The following NOX1 variants were observed in gnomAD, a reference collection of about 807,000 sequenced individuals.
NOX1 encodes NADPH oxidase 1.
Under a neutral mutation model 42.5 loss-of-function variants are expected in NOX1, and 34 were observed. That is an observed-to-expected ratio of 0.80 (90% CI 0.61 to 1.07). The LOEUF is 1.07. NOX1 is among the 50% of genes least tolerant of loss of function. The pLI, the probability that NOX1 is intolerant of heterozygous loss-of-function variation, is 0.00. For synonymous variants in NOX1, 143 were observed against 152.5 expected (o/e 0.94, Z 0.46); for missense variants, 408 against 427.0 (o/e 0.96, Z 0.39).
chrX:100,853,261 CCTTTCTTT>C (rs1177925812), intron 7 of NOX1, among the ~76,000 whole-genome samples: 513 of 23,425 alleles, frequency 0.022, 7 homozygotes, highest in East Asian at 0.047. Flanking sequence ...TTCCTTCCTT[CCTTTCTTT>C]CTTTCTTTCT....
intron 7 of NOX1, chrX:100,856,385 G>C (rs190140083): frequency 3.1e-4 from 160 of 513,769 alleles, no homozygotes; most frequent in Middle Eastern, 5.7e-4. Flanking sequence ...AGACAAGATG[G>C]AAGGGAGAAG....
intron 7 of NOX1, among the ~76,000 whole-genome samples, chrX:100,854,281 A>G (rs2085152002): frequency 8.9e-6 from 1 of 112,221 alleles, no homozygotes; most frequent in Non-Finnish European, 1.9e-5. Context: ...TCTACAATAA[A>G]TGTATATTAT....
chrX:100,848,372 C>A (rs1005066149), intron 12 of NOX1, among the ~76,000 whole-genome samples: 1 of 111,099 alleles, frequency 9.0e-6, no homozygotes, highest in Non-Finnish European at 1.9e-5. Context: ...CTCATTGCAA[C>A]CTCTGCCTCC....
At chrX:100,850,853 T>C (rs747539496) in intron 8 of NOX1, among the ~76,000 whole-genome samples, 1 of 110,468 alleles carries the variant, frequency 9.1e-6, no homozygotes, top group African/African-American at 3.3e-5. Flanking sequence ...TCTTCTTTTT[T>C]TTTTGAGACA....
At chrX:100,867,685 T>C (rs1391095614) in intron 2 of NOX1, among the ~76,000 whole-genome samples, 1 of 109,374 alleles carries the variant, frequency 9.1e-6, no homozygotes. Flanking sequence ...TGAACCATGA[T>C]CATGCCACTG....
intron 11 of NOX1, among the ~76,000 whole-genome samples, 183 bp downstream of exon 11, chrX:100,849,093 GAAGA>G (rs1193311462): frequency 9.1e-6 from 1 of 110,445 alleles, no homozygotes; most frequent in South Asian, 3.8e-4. Flanking sequence ...AAAAAAAAAA[GAAGA>G]AAGAAAGAAA....
At chrX:100,859,759 G>GTT (rs376659757) in intron 7 of NOX1, among the ~76,000 whole-genome samples, 4 of 96,776 alleles carry the variant, frequency 4.1e-5, no homozygotes, top group African/African-American at 1.5e-4. Context: ...GTCTCTGAGG[G>GTT]TTTTTTTTTT....
At chrX:100,844,966 C>G (rs1334942722) in intron 12 of NOX1, among the ~76,000 whole-genome samples, 1 of 111,793 alleles carries the variant, frequency 8.9e-6, no homozygotes, top group Non-Finnish European at 1.9e-5. Flanking sequence ...TTCTTTCTTG[C>G]CAAAGCTAAT....
chrX:100,847,676 G>A (rs1217189464), intron 12 of NOX1, among the ~76,000 whole-genome samples: 1 of 101,910 alleles, frequency 9.8e-6, no homozygotes, highest in Non-Finnish European at 1.9e-5. Context: ...TGAGGCAGGA[G>A]AATCGCTTGA....
intron 7 of NOX1, among the ~76,000 whole-genome samples, chrX:100,854,070 G>C (rs2085150438): frequency 9.0e-6 from 1 of 111,085 alleles, no homozygotes. Context: ...TTGAACCCAG[G>C]AGGCAGAGGT....
intron 2 of NOX1, among the ~76,000 whole-genome samples, chrX:100,866,201 G>A (rs866089235): frequency 1.1e-4 from 11 of 100,454 alleles, no homozygotes; most frequent in Admixed American, 8.9e-4. Context: ...CAGGCTGGGC[G>A]ACAGAGTGAG....
chrX:100,848,261 A>G (rs999778029), intron 12 of NOX1, among the ~76,000 whole-genome samples: 3 of 109,862 alleles, frequency 2.7e-5, no homozygotes, highest in Admixed American at 9.6e-5. Flanking sequence ...ATGTTGTAAT[A>G]CCTTTCCTAA....
rs369091802 is a variant in NOX1 at position 100,851,332 on chromosome X, A to G, written c.805-7T>C. 1.6e-5 allele frequency: 17 copies of G among 1,070,082 alleles called. No individual in the cohort carries two copies. Among genetic ancestry groups the G allele is most frequent in the African/African-American group, 3.7e-5 (2 of 54,030 alleles). The allele number at this position is 1,070,082 out of a possible 1,213,427, so 88.2% of individuals were successfully genotyped here. A position where few individuals can be genotyped will look rare whatever the true frequency, so the allele number is the denominator to read the frequency against. ...CAAGGATCCACTTCCAAGACTGCAC[A>G]GAGACAGGGTTAAGAATGAGATTAC... On this transcript the variant is annotated splice_polypyrimidine_tract_variant and splice_region_variant and intron_variant, in intron 7 of 12. Coordinates refer to ENST00000372966, the MANE Select transcript of NOX1 (RefSeq NM_007052.5).
intron 8 of NOX1, 77 bp downstream of exon 8, chrX:100,851,156 A>G: frequency 3.2e-6 from 2 of 621,556 alleles, no homozygotes; most frequent in Non-Finnish European, 5.0e-6. Context: ...TTTCAGGGTG[A>G]CAACATAAAA....
chrX:100,843,508 T>C lies in NOX1; in HGVS notation c.*444A>G, dbSNP rs1055196823. 2.9e-6 allele frequency: 3 copies of C among 1,039,573 alleles called. No individual in the cohort carries two copies. In the South Asian group the frequency reaches 7.9e-5, roughly 27 times the overall value. 85.7% of individuals were successfully genotyped at this position (1,039,573 alleles called of 1,213,427 possible). A position where few individuals can be genotyped will look rare whatever the true frequency, so the allele number is the denominator to read the frequency against. ...TATTATTATGTTTTATCATTAATTA[T>C]TCAATAAATTTTTATTTAAAAAGTC... On this transcript the variant is annotated 3_prime_UTR_variant, in exon 13 of 13. Coordinates refer to ENST00000372966, the MANE Select transcript of NOX1 (RefSeq NM_007052.5).
At chrX:100,856,247 AC>A in intron 7 of NOX1, 1 of 965,492 alleles carries the variant, frequency 1.0e-6, no homozygotes, top group Non-Finnish European at 1.5e-6. Context: ...ATCTCTCATT[AC>A]CACACAGTCT....
chrX:100,855,284 C>T, intron 7 of NOX1: 1 of 572,913 alleles, frequency 1.7e-6, no homozygotes, highest in Admixed American at 2.2e-5. Context: ...GCTTTGATTC[C>T]CAATTAACAT....
At chrX:100,867,110 G>T (rs1290446409) in intron 2 of NOX1, among the ~76,000 whole-genome samples, 2 of 111,897 alleles carry the variant, frequency 1.8e-5, no homozygotes, top group Non-Finnish European at 3.8e-5. Context: ...TCGGCTCACT[G>T]CAAGCTCCGC....
intron 2 of NOX1, among the ~76,000 whole-genome samples, chrX:100,866,103 C>T (rs934994916): frequency 1.8e-5 from 2 of 110,113 alleles, no homozygotes; most frequent in African/African-American, 6.6e-5. Context: ...GCACATGTAA[C>T]CCCTGCTACT....
Sources: gnomAD v4.1 joint callset for allele counts (sites outside exome capture counted in the v4.1 genomes callset) on GRCh38, gnomAD v4.1.1 for gene constraint, MANE v1.5 for transcripts, NCBI Gene and HGNC (gene_info 2026-07-23, HGNC 2026-07-21) for gene names.